Variants in EML5 observed in about 807,000 individuals in gnomAD.
EML5 encodes echinoderm microtubule-associated protein-like 5.
In EML5, 120 loss-of-function variants were observed where a neutral mutation model predicts 250.0. That is an observed-to-expected ratio of 0.48 (90% CI 0.41 to 0.56). The LOEUF is 0.56. Among genes scored for constraint, EML5 ranks in the 20% least tolerant of loss-of-function variants. The probability of loss-of-function intolerance (pLI) is 0.00; values close to 1 mark genes in which losing one functional copy is unlikely to be tolerated. For missense variants in EML5, 2,006 were observed against 2,437.6 expected (o/e 0.82, Z 3.73); for synonymous variants, 771 against 806.5 (o/e 0.96, Z 0.75).
rs779543531 is a variant in EML5, at chr14:88,665,445, C to T, written c.3169G>A (p.Val1057Ile). 111 of 1,613,860 alleles carry T rather than the reference C, an allele frequency of 6.9e-5. No homozygotes were observed. Among genetic ancestry groups the T allele is most frequent in the Non-Finnish European group, 8.6e-5 (101 of 1,179,886 alleles). ...CFSPDGKALA[V>I]GLNDGSFLMA... ...AAGAAGCTTCCATCGTTGAGACCTA[C>T]GGCTAAAGCTTTACCATCAGGAGAA... Residue 1057 changes from valine (V) to isoleucine (I), a missense_variant, in exon 22 of 44, where the codon GTA (valine) becomes ATA (isoleucine). Coordinates refer to ENST00000554922, the MANE Select transcript of EML5 (RefSeq NM_183387.3).
chr14:88,743,694 CTTCAT>C (rs1946725760), intron 4 of EML5, among the ~76,000 whole-genome samples: 1 of 152,042 alleles, frequency 6.6e-6, no homozygotes, highest in South Asian at 2.1e-4. Flanking sequence ...ATGAAAAACT[CTTCAT>C]TTCTTTCCTA....
At chr14:88,618,544 T>C in intron 40 of EML5, 106 bp downstream of exon 40, 2 of 1,338,852 alleles carry the variant, frequency 1.5e-6, no homozygotes, top group East Asian at 2.5e-5. Flanking sequence ...AAGGGAGGAG[T>C]TGAGAAGCTG....
Position 88,712,500 on chromosome 14 carries a change from GTCTT to G in EML5, c.1445-21_1445-18del. 6.3e-7 allele frequency: 1 copy of G among 1,581,428 alleles called. No homozygotes were observed. The highest frequency in any genetic ancestry group is 1.3e-5 in the African/African-American group (1 of 74,256). ...CCTTTCCTCCTAAAAATAAATCAGA[GTCTT>G]AATTTAAAAAGTTATTTCATTTGAT... On this transcript the variant is annotated intron_variant, in intron 9 of 43. Coordinates refer to ENST00000554922, the MANE Select transcript of EML5 (RefSeq NM_183387.3).
chr14:88,641,834 A>G (rs1289941097), intron 31 of EML5, among the ~76,000 whole-genome samples: 1 of 152,198 alleles, frequency 6.6e-6, no homozygotes, highest in Non-Finnish European at 1.5e-5. Context: ...ATTAATTACA[A>G]ATCAGAAAAG....
Position 88,681,810 on chromosome 14 carries a change from C to T in EML5, c.3124+80G>A, listed in dbSNP as rs542344021. On this transcript the variant is annotated intron_variant, in intron 21 of 43. Transcript: ENST00000554922. The stretch of plus-strand genomic sequence containing the variant: ...ATATTTAAAGCCTTTTTAAAATGTG[C>T]CTAGTTTTGCTTTCTTATATTTGTA... 1.3e-4 allele frequency: 182 copies of T among 1,416,582 alleles called. 1 individual carries two copies. The highest frequency in any genetic ancestry group is 1.2e-3 in the South Asian group (70 of 60,804). 87.8% of individuals were successfully genotyped at this position (1,416,582 alleles called of 1,614,324 possible).
At chr14:88,715,645 A>G (rs2093478886) in intron 8 of EML5, among the ~76,000 whole-genome samples, 1 of 151,498 alleles carries the variant, frequency 6.6e-6, no homozygotes, top group South Asian at 2.1e-4. Flanking sequence ...ATTCATCTAT[A>G]TTACTTCAGT....
chr14:88,768,132 A>G (rs1035049439), intron 1 of EML5, among the ~76,000 whole-genome samples: 5 of 152,162 alleles, frequency 3.3e-5, no homozygotes, highest in Non-Finnish European at 5.9e-5. Flanking sequence ...TTTTGGGTAA[A>G]AATACCACAA....
chr14:88,663,158 T>G, intron 23 of EML5, 39 bp from the exon 24 acceptor site: 2 of 1,333,440 alleles, frequency 1.5e-6, no homozygotes, highest in Non-Finnish European at 2.1e-6. Flanking sequence ...ACATATAAAA[T>G]ACATACAAAT....
At chr14:88,745,177 G>GTGTGTT (rs1292115660) in intron 3 of EML5, among the ~76,000 whole-genome samples, 1 of 151,664 alleles carries the variant, frequency 6.6e-6, no homozygotes, top group African/African-American at 2.4e-5. Context: ...TTGTGTGTGT[G>GTGTGTT]TGTGTGTGTG....
At chr14:88,616,694 A>C in intron 42 of EML5, 32 bp downstream of exon 42, 3 of 1,589,042 alleles carry the variant, frequency 1.9e-6, no homozygotes, top group Non-Finnish European at 2.6e-6. Context: ...ATTAGGAGTA[A>C]ACTGATAATA....
chr14:88,670,306 C>G (rs1210679564), intron 21 of EML5, among the ~76,000 whole-genome samples: 1 of 117,144 alleles, frequency 8.5e-6, no homozygotes, highest in African/African-American at 3.6e-5. Flanking sequence ...GGTGATAGAG[C>G]AGGACTCCAT....
chr14:88,621,403 T>C, intron 37 of EML5, 102 bp from the exon 38 acceptor site: 2 of 1,441,492 alleles, frequency 1.4e-6, no homozygotes, highest in Non-Finnish European at 1.9e-6. Flanking sequence ...AGAGAACTTT[T>C]TGCTTTGAGC....
intron 5 of EML5, among the ~76,000 whole-genome samples, chr14:88,739,416 C>A (rs2093892286): frequency 6.6e-6 from 1 of 151,796 alleles, no homozygotes; most frequent in African/African-American, 2.4e-5. Flanking sequence ...GGAGCCAATC[C>A]CCCCCAAAAT....
intron 1 of EML5, among the ~76,000 whole-genome samples, chr14:88,779,477 A>G (rs1395676738): frequency 1.3e-5 from 2 of 152,118 alleles, no homozygotes; most frequent in Non-Finnish European, 1.5e-5. Flanking sequence ...TTTCATTTAC[A>G]TCATCCCCAA....
chr14:88,753,665 A>G (rs1456838355), intron 2 of EML5, among the ~76,000 whole-genome samples: 1 of 152,208 alleles, frequency 6.6e-6, no homozygotes, highest in Non-Finnish European at 1.5e-5. Flanking sequence ...GGCTTGTTTA[A>G]CTTTTTAAAA....
rs1463054861 is a variant in EML5, at chr14:88,621,234, T to C, written c.5081A>G (p.Asn1694Ser). 6.8e-6 allele frequency: 11 copies of C among 1,613,862 alleles called. No individual in the cohort carries two copies. The highest frequency in any genetic ancestry group is 1.6e-4 in the Middle Eastern group (1 of 6,084). ...ATCCACATGACCGTTAACTAAAATA[T>C]TACAAGCTGCATTTTTCTCTCCAAC... ...IEVGEKNAAC[N>S]ILVNGHVDGP... The change falls in exon 38 of 44, where the codon AAT (asparagine) becomes AGT (serine). Residue 1694 changes from asparagine to serine, a missense_variant. Coordinates refer to ENST00000554922, the MANE Select transcript of EML5 (RefSeq NM_183387.3).
intron 10 of EML5, among the ~76,000 whole-genome samples, chr14:88,707,240 C>T (rs1375936943): frequency 6.6e-6 from 1 of 151,770 alleles, no homozygotes; most frequent in Non-Finnish European, 1.5e-5. Context: ...GGTTAATTTT[C>T]TTAAAAATCT....
intron 16 of EML5, among the ~76,000 whole-genome samples, chr14:88,694,842 C>T (rs1336295691): frequency 1.3e-5 from 2 of 152,180 alleles, no homozygotes; most frequent in African/African-American, 4.8e-5. Flanking sequence ...GCTTTAACAT[C>T]GCTTTAATAA....
Position 88,622,647 on chromosome 14 carries a change from G to A in EML5, c.4970C>T (p.Thr1657Ile). ...ACGAACACAATCTGTGGCTTGTCCT[G>A]TCTCAAGCCTGAAGGCACGGCACCG... ...LRRCRAFRLE[T>I]GQATDCVRSV... The change falls in exon 37 of 44, where the codon ACA (threonine) becomes ATA (isoleucine). Residue 1657 changes from threonine to isoleucine, a missense_variant. Transcript: ENST00000554922. The A allele has an allele frequency of 1.2e-6, 2 of 1,611,416 alleles. No homozygotes were observed. Among genetic ancestry groups the A allele is most frequent in the Non-Finnish European group, 1.7e-6 (2 of 1,178,720 alleles).
Sources: allele counts gnomAD v4.1 joint callset (sites outside exome capture counted in the v4.1 genomes callset), GRCh38; gene constraint gnomAD v4.1.1; transcripts MANE v1.5; gene names NCBI Gene and HGNC (gene_info 2026-07-23, HGNC 2026-07-21).